The following TAFA5 variants were observed in gnomAD, a reference collection of about 807,000 sequenced individuals.
The protein encoded by TAFA5 is TAFA chemokine like family member 5, also known as chemokine-like protein TAFA-5.
Under a neutral mutation model 15.3 loss-of-function variants are expected in TAFA5, and 6 were observed. The ratio of observed to expected loss-of-function variants is 0.39; its 90% CI spans 0.21 to 0.77. The LOEUF (loss-of-function observed/expected upper bound fraction) is 0.77. Among genes scored for constraint, TAFA5 ranks in the 30% least tolerant of loss-of-function variants. The pLI is 0.41. For synonymous variants in TAFA5, 103 were observed against 80.7 expected (o/e 1.28, Z -1.48); for missense variants, 161 against 193.1 (o/e 0.83, Z 0.98).
chr22:48,687,140 GTGGA>G (rs1406325595), intron 2 of TAFA5, among the ~76,000 whole-genome samples: 3 of 149,578 alleles, frequency 2.0e-5, no homozygotes, highest in African/African-American at 7.4e-5. Flanking sequence ...GGATAGATAG[GTGGA>G]TGGATGGATT....
intron 1 of TAFA5, among the ~76,000 whole-genome samples, chr22:48,573,414 G>GA (rs1209237125): frequency 6.6e-6 from 1 of 152,190 alleles, no homozygotes; most frequent in Non-Finnish European, 1.5e-5. Context: ...GAGAACCCTA[G>GA]GTGTCTCCTC....
At chr22:48,524,364 G>A (rs1360577470) in intron 1 of TAFA5, among the ~76,000 whole-genome samples, 3 of 152,222 alleles carry the variant, frequency 2.0e-5, no homozygotes, top group Non-Finnish European at 4.4e-5. Flanking sequence ...CAGACCTCAG[G>A]GATGGAGACG....
chr22:48,599,995 C>A (rs2147164465), intron 1 of TAFA5, among the ~76,000 whole-genome samples: 1 of 152,178 alleles, frequency 6.6e-6, no homozygotes, highest in East Asian at 1.9e-4. Flanking sequence ...TTGCAGCTCT[C>A]CCCCCGTCTG....
intron 3 of TAFA5, among the ~76,000 whole-genome samples, chr22:48,719,636 C>T (rs1287942934): frequency 1.3e-5 from 2 of 152,210 alleles, no homozygotes; most frequent in African/African-American, 2.4e-5. Flanking sequence ...GTCTGAGAGA[C>T]GGCGCAGGGG....
At chr22:48,701,832 C>T (rs1232885183) in intron 2 of TAFA5, among the ~76,000 whole-genome samples, 2 of 152,216 alleles carry the variant, frequency 1.3e-5, no homozygotes, top group East Asian at 1.9e-4. Context: ...TCCCAGCCCG[C>T]ACTGGGCAGC....
intron 1 of TAFA5, among the ~76,000 whole-genome samples, chr22:48,602,368 G>A (rs942578601): frequency 1.3e-5 from 2 of 152,192 alleles, no homozygotes; most frequent in South Asian, 2.1e-4. Flanking sequence ...CCTGGGTGAC[G>A]GCTGTGTAGC....
intron 1 of TAFA5, among the ~76,000 whole-genome samples, chr22:48,594,313 T>TG (rs1924682387): frequency 6.6e-6 from 1 of 151,836 alleles, no homozygotes; most frequent in South Asian, 2.1e-4. Flanking sequence ...AGGAGAGAAA[T>TG]GGGGGGACCA....
chr22:48,655,833 T>A, intron 2 of TAFA5, among the ~76,000 whole-genome samples: 1 of 97,188 alleles, frequency 1.0e-5, no homozygotes, highest in South Asian at 4.1e-4. Context: ...ACTGATTCTT[T>A]TTTTTTTTTT....
intron 1 of TAFA5, among the ~76,000 whole-genome samples, chr22:48,557,069 T>C (rs972678561): frequency 6.6e-6 from 1 of 151,814 alleles, no homozygotes; most frequent in African/African-American, 2.4e-5. Context: ...GAGCGGGGAG[T>C]GCGCCCAGGT....
intron 2 of TAFA5, among the ~76,000 whole-genome samples, chr22:48,658,133 G>A (rs950285490): frequency 4.7e-5 from 7 of 150,490 alleles, no homozygotes; most frequent in East Asian, 2.0e-4. Flanking sequence ...CATTCGTGAC[G>A]TTTCAGGGAA....
At chr22:48,731,209 G>C (rs535971173) in intron 3 of TAFA5, among the ~76,000 whole-genome samples, 3 of 152,320 alleles carry the variant, frequency 2.0e-5, no homozygotes, top group African/African-American at 7.2e-5. Flanking sequence ...TGAGAGAAGG[G>C]AGGAGGCTGC....
chr22:48,507,070 G>T (rs1340622142), intron 1 of TAFA5, among the ~76,000 whole-genome samples: 1 of 152,228 alleles, frequency 6.6e-6, no homozygotes, highest in Non-Finnish European at 1.5e-5. Flanking sequence ...TGGAGAAGGA[G>T]ATGGTCATCA....
chr22:48,706,449 G>A (rs969188318), intron 2 of TAFA5, among the ~76,000 whole-genome samples: 7 of 152,344 alleles, frequency 4.6e-5, no homozygotes, highest in Admixed American at 2.0e-4. Flanking sequence ...CACTTGGCAC[G>A]TAGAGTGGGG....
chr22:48,491,834 T>C (rs1928164034), intron 1 of TAFA5, among the ~76,000 whole-genome samples: 3 of 152,230 alleles, frequency 2.0e-5, no homozygotes, highest in Admixed American at 6.5e-5. Context: ...GTTTCCACAC[T>C]CATCCCTCCT....
chr22:48,679,035 C>CCA (rs1928079441), intron 2 of TAFA5, among the ~76,000 whole-genome samples: 1 of 122,506 alleles, frequency 8.2e-6, no homozygotes, highest in Admixed American at 9.1e-5. Context: ...CATCCCTCTC[C>CCA]TGGCTCCCCA....
At chr22:48,623,027 CTCTCCA>C (rs1925894330) in intron 1 of TAFA5, among the ~76,000 whole-genome samples, 4 of 152,380 alleles carry the variant, frequency 2.6e-5, no homozygotes, top group African/African-American at 9.6e-5. Flanking sequence ...CCAGACGGCC[CTCTCCA>C]TCTCTCTGTA....
intron 2 of TAFA5, among the ~76,000 whole-genome samples, chr22:48,648,843 A>C (rs1259081851): frequency 1.4e-5 from 2 of 139,432 alleles, no homozygotes; most frequent in Non-Finnish European, 3.1e-5. Flanking sequence ...AACAAACAAA[A>C]AAAGAATGCT....
intron 1 of TAFA5, among the ~76,000 whole-genome samples, chr22:48,496,231 G>C (rs1928319388): frequency 6.6e-6 from 1 of 152,186 alleles, no homozygotes. Context: ...TTTGGGCTGT[G>C]AGCTTGGGGC....
intron 3 of TAFA5, among the ~76,000 whole-genome samples, chr22:48,723,329 CA>C (rs1929624232): frequency 6.6e-6 from 1 of 152,150 alleles, no homozygotes; most frequent in African/African-American, 2.4e-5. Context: ...TGTCTGCATC[CA>C]AATTACTTTA....
Sources: allele counts gnomAD v4.1 joint callset (sites outside exome capture counted in the v4.1 genomes callset), GRCh38; gene constraint gnomAD v4.1.1; transcripts MANE v1.5; gene names NCBI Gene and HGNC (gene_info 2026-07-23, HGNC 2026-07-21).